Variants in FNIP1 observed in about 807,000 individuals in gnomAD.
The protein encoded by FNIP1 is folliculin-interacting protein 1.
In FNIP1, 40 loss-of-function variants were observed where a neutral mutation model predicts 124.5. The observed-to-expected ratio is 0.32, with a 90% CI of 0.25 to 0.42. FNIP1 has a LOEUF of 0.42. Among genes scored for constraint, FNIP1 ranks in the 10% least tolerant of loss-of-function variants. The pLI is 1.00. For missense variants in FNIP1, 1,176 were observed against 1,403.7 expected, an observed-to-expected ratio of 0.84 and a Z score of 2.59; for synonymous variants, 472 against 470.6, an observed-to-expected ratio of 1.00 and a Z score of -0.04.
At chr5:131,671,050 T>C (rs1418575738) in intron 14 of FNIP1, among the ~76,000 whole-genome samples, 2 of 152,196 alleles carry the variant, frequency 1.3e-5, no homozygotes, top group Non-Finnish European at 2.9e-5. Context: ...GCCTCACAAG[T>C]CCAAAGCTAG....
chr5:131,669,910 A>G (rs1184579914), intron 15 of FNIP1, among the ~76,000 whole-genome samples: 1 of 120,018 alleles, frequency 8.3e-6, no homozygotes, highest in African/African-American at 2.7e-5. Context: ...TAGCCAGTAC[A>G]ATGAGTCAAA....
At chr5:131,703,291 A>C (rs937651761) in intron 10 of FNIP1, among the ~76,000 whole-genome samples, 11 of 152,246 alleles carry the variant, frequency 7.2e-5, no homozygotes, top group African/African-American at 2.7e-4. Context: ...TTACTGTAAC[A>C]GTATGCTAAT....
chr5:131,709,640 C>T (rs1035095536), intron 7 of FNIP1, among the ~76,000 whole-genome samples: 4 of 152,136 alleles, frequency 2.6e-5, no homozygotes. Flanking sequence ...TCATAGTTCA[C>T]TGTACTGTTT....
chr5:131,775,496 A>C (rs1054139368), intron 1 of FNIP1, among the ~76,000 whole-genome samples: 15 of 148,580 alleles, frequency 1.0e-4, no homozygotes, highest in Admixed American at 2.0e-4. Context: ...TTATCAATAT[A>C]AATATAAATA....
rs1157982279 is a variant in FNIP1 at position 131,785,049 on chromosome 5, C to CTA, written c.92+11779_92+11780dup. 3.0e-4 allele frequency among the ~76,000 whole-genome samples: 9 copies of CTA among 30,024 alleles called. 1 individual carries two copies. In the South Asian group the frequency reaches 0.012, roughly 41 times the overall value. The allele number at this position is 30,024 out of a possible 152,430, so 19.7% of individuals were successfully genotyped here. ...TATGACATATATATGATATATATGA[C>CTA]TATATATATCATATATATGATATAT... On this transcript the variant is annotated intron_variant, in intron 1 of 17. Coordinates refer to ENST00000510461, the MANE Select transcript of FNIP1 (RefSeq NM_133372.3).
At chr5:131,762,500 C>T (rs1362565336) in intron 1 of FNIP1, among the ~76,000 whole-genome samples, 1 of 152,152 alleles carries the variant, frequency 6.6e-6, no homozygotes, top group East Asian at 1.9e-4. Flanking sequence ...TGAAAAGGTG[C>T]TCAATACCAC....
Position 131,681,600 on chromosome 5 carries a change from G to C in FNIP1, c.1203-2425C>G, listed in dbSNP as rs548824638. 4.0e-5 allele frequency among the ~76,000 whole-genome samples: 6 copies of C among 151,696 alleles called. No homozygotes were observed. The East Asian group carries it at 1.2e-3, about 29-fold the overall frequency. On this transcript the variant is annotated intron_variant, in intron 11 of 17. Transcript: ENST00000510461. ...CATTAAAATTAAAGAGTATGGTAGA[G>C]AATCTAATTTTCAAAGAAAAGGATT...
At chr5:131,736,571 T>C (rs1770312465) in intron 2 of FNIP1, among the ~76,000 whole-genome samples, 1 of 152,206 alleles carries the variant, frequency 6.6e-6, no homozygotes, top group Non-Finnish European at 1.5e-5. Context: ...CAAGTGAGCA[T>C]TACCGCCTGC....
chr5:131,718,680 T>C (rs929136990), intron 5 of FNIP1, among the ~76,000 whole-genome samples: 4 of 152,196 alleles, frequency 2.6e-5, no homozygotes, highest in African/African-American at 9.7e-5. Context: ...ACCCTACAGA[T>C]TGTGGTAACT....
intron 1 of FNIP1, 21 bp downstream of exon 1, chr5:131,796,809 C>G: frequency 6.4e-7 from 1 of 1,560,278 alleles, no homozygotes; most frequent in Non-Finnish European, 8.7e-7. Context: ...GCTCCGCGAC[C>G]CCCGCCCCAC....
intron 2 of FNIP1, among the ~76,000 whole-genome samples, chr5:131,732,484 T>C (rs942704871): frequency 6.6e-6 from 1 of 152,218 alleles, no homozygotes. Flanking sequence ...AAGTCTTTAA[T>C]CCATCTTGAA....
intron 9 of FNIP1, among the ~76,000 whole-genome samples, chr5:131,705,939 A>G (rs2149533792): frequency 6.6e-6 from 1 of 152,334 alleles, no homozygotes. Context: ...TTTCTGACAC[A>G]TGCTACAACA....
At chr5:131,687,037 A>C (rs1392971396) in intron 11 of FNIP1, among the ~76,000 whole-genome samples, 1 of 149,430 alleles carries the variant, frequency 6.7e-6, no homozygotes, top group Non-Finnish European at 1.5e-5. Context: ...AAAAAAAAGC[A>C]TAGGTTTATG....
intron 6 of FNIP1, among the ~76,000 whole-genome samples, chr5:131,715,585 G>A (rs32114): frequency 0.99 from 151,363 of 152,342 alleles, 75,200 homozygotes; most frequent in East Asian, 1. Flanking sequence ...AAGAGATTTC[G>A]TTATTTCTTT....
chr5:131,796,741 C>A (rs1177272382), intron 1 of FNIP1, 89 bp downstream of exon 1: 4 of 1,243,616 alleles, frequency 3.2e-6, no homozygotes, highest in Non-Finnish European at 4.4e-6. Context: ...CGCTTCCGCT[C>A]GGGTCGGAAC....
Position 131,760,506 on chromosome 5 carries a change from T to C in FNIP1, c.93-15816A>G, listed in dbSNP as rs778978975. Among the ~76,000 whole-genome samples, 77 of 152,178 alleles carry C rather than the reference T, an allele frequency of 5.1e-4. 1 individual carries two copies. Among genetic ancestry groups the C allele is most frequent in the Non-Finnish European group, 1.0e-4 (7 of 68,018 alleles). ...ATCTCTTCTCTTTCTCTACCCTTAT[T>C]TCCATTTGACCATCCATATATTTTC... On this transcript the variant is annotated intron_variant, in intron 1 of 17. Transcript: ENST00000510461.
At chr5:131,653,861 C>A (rs1025791834) in intron 15 of FNIP1, among the ~76,000 whole-genome samples, 1 of 152,204 alleles carries the variant, frequency 6.6e-6, no homozygotes, top group Non-Finnish European at 1.5e-5. Context: ...CCTGCCTCAG[C>A]CTCCTGCGTA....
chr5:131,711,344 C>T (rs1769285725), intron 6 of FNIP1, among the ~76,000 whole-genome samples: 1 of 152,182 alleles, frequency 6.6e-6, no homozygotes, highest in African/African-American at 2.4e-5. Flanking sequence ...TAACTGCAGT[C>T]TGAAGACCCA....
At chr5:131,782,769 A>G (rs913714581) in intron 1 of FNIP1, among the ~76,000 whole-genome samples, 19 of 152,236 alleles carry the variant, frequency 1.2e-4, no homozygotes, top group African/African-American at 4.6e-4. Flanking sequence ...GAGGGGTTCA[A>G]CACTTCAATG....
Sources: allele counts gnomAD v4.1 joint callset (sites outside exome capture counted in the v4.1 genomes callset), GRCh38; gene constraint gnomAD v4.1.1; transcripts MANE v1.5; gene names NCBI Gene and HGNC (gene_info 2026-07-23, HGNC 2026-07-21).